SLC25A21: variants seen among roughly 807,000 people sequenced by gnomAD.
SLC25A21 encodes solute carrier family 25 member 21.
SLC25A21 carries 47 observed loss-of-function variants against 43.8 expected under a neutral mutation model. The ratio of observed to expected loss-of-function variants is 1.07; its 90% CI spans 0.85 to 1.37. The LOEUF is 1.37. SLC25A21 is among the 40% of genes most tolerant of loss of function. The pLI, the probability that SLC25A21 is intolerant of heterozygous loss-of-function variation, is 0.00. For missense variants in SLC25A21, 352 were observed against 350.2 expected (o/e 1.00, Z -0.04); for synonymous variants, 131 against 121.3 (o/e 1.08, Z -0.52).
intron 3 of SLC25A21, among the ~76,000 whole-genome samples, chr14:36,791,920 T>C (rs74488412): frequency 2.1e-3 from 319 of 152,272 alleles, no homozygotes; most frequent in Non-Finnish European, 3.5e-3. Flanking sequence ...TTCTATTTCT[T>C]GGTCTGAGTG....
intron 7 of SLC25A21, among the ~76,000 whole-genome samples, chr14:36,685,781 T>C (rs1260441824): frequency 2.0e-5 from 3 of 152,206 alleles, no homozygotes; most frequent in African/African-American, 7.2e-5. Context: ...TCACTTTCCT[T>C]TGGCCTATTT....
intron 6 of SLC25A21, among the ~76,000 whole-genome samples, chr14:36,712,367 C>G (rs550528248): frequency 6.6e-6 from 1 of 151,054 alleles, no homozygotes. Flanking sequence ...TTTTTTCCAC[C>G]CATGAGGCAC....
intron 3 of SLC25A21, among the ~76,000 whole-genome samples, chr14:36,757,133 C>T (rs1267233940): frequency 6.6e-6 from 1 of 151,118 alleles, no homozygotes; most frequent in Non-Finnish European, 1.5e-5. Flanking sequence ...TGGCATGTGC[C>T]TGTAGTCCCA....
intron 1 of SLC25A21, chr14:36,952,363 T>G (rs1186516575): frequency 6.5e-6 from 1 of 152,910 alleles, no homozygotes; most frequent in Non-Finnish European, 1.5e-5. Context: ...ATATGTAAAT[T>G]CTATTTCCTG....
chr14:37,040,268 G>GAGGAAGGAAGGA (rs763126493), intron 1 of SLC25A21, among the ~76,000 whole-genome samples: 553 of 3,130 alleles, frequency 0.18, 199 homozygotes, highest in South Asian at 0.54. Flanking sequence ...GGGAGGGAGG[G>GAGGAAGGAAGGA]AGGAAGGAAG....
chr14:36,891,058 T>C (rs1244700413), intron 1 of SLC25A21, among the ~76,000 whole-genome samples: 9 of 152,186 alleles, frequency 5.9e-5, no homozygotes, highest in Admixed American at 2.0e-4. Flanking sequence ...ATACATTTCA[T>C]ACTCATATTC....
At chr14:36,852,784 T>G (rs907287857) in intron 2 of SLC25A21, among the ~76,000 whole-genome samples, 1 of 152,020 alleles carries the variant, frequency 6.6e-6, no homozygotes, top group East Asian at 1.9e-4. Context: ...CTCTAATAGT[T>G]CCAAGACAAA....
At chr14:37,145,476 C>CACACACACACACACAGAG (rs780734735) in intron 1 of SLC25A21, among the ~76,000 whole-genome samples, 2 of 143,676 alleles carry the variant, frequency 1.4e-5, no homozygotes, top group Non-Finnish European at 3.0e-5. Flanking sequence ...CACACACACA[C>CACACACACACACACAGAG]AGAGAGATGA....
intron 1 of SLC25A21, among the ~76,000 whole-genome samples, chr14:36,979,897 G>T (rs1959979457): frequency 6.6e-6 from 1 of 152,144 alleles, no homozygotes; most frequent in African/African-American, 2.4e-5. Context: ...AGACCACAGA[G>T]ACTCAAGTTA....
At chr14:37,089,634 T>C (rs549456523) in intron 1 of SLC25A21, among the ~76,000 whole-genome samples, 2 of 152,294 alleles carry the variant, frequency 1.3e-5, no homozygotes, top group East Asian at 1.9e-4. Flanking sequence ...GAGGAGACTT[T>C]CTTAGAGAGT....
chr14:36,736,225 G>A (rs577597828), intron 3 of SLC25A21, among the ~76,000 whole-genome samples: 51 of 152,190 alleles, frequency 3.4e-4, no homozygotes, highest in Middle Eastern at 6.8e-3. Context: ...GTGAGCCACC[G>A]TGCCCAGCCT....
At position 36,715,862 on chromosome 14, in the gene SLC25A21, G is replaced by A. The variant is rs1056550828; in HGVS notation, c.439-4380C>T. ...TAATTCCAGCACTTTGGGAGGCCAA[G>A]GAGTGTGGATCATGAGGTCAGGAGT... On this transcript the variant is annotated intron_variant, in intron 6 of 9. Transcript: ENST00000331299. Among the ~76,000 whole-genome samples the A allele has an allele frequency of 4.6e-5, 7 of 152,204 alleles. No homozygotes were observed. The East Asian group carries it at 1.2e-3, about 25-fold the overall frequency.
intron 3 of SLC25A21, among the ~76,000 whole-genome samples, chr14:36,735,666 A>G (rs1341208867): frequency 1.3e-5 from 2 of 152,110 alleles, no homozygotes; most frequent in African/African-American, 4.8e-5. Context: ...TTCTCCTTCA[A>G]TTCACTGGCT....
intron 1 of SLC25A21, among the ~76,000 whole-genome samples, chr14:36,881,662 G>A (rs1890730783): frequency 6.6e-6 from 1 of 152,170 alleles, no homozygotes; most frequent in South Asian, 2.1e-4. Flanking sequence ...TAGACGGACT[G>A]ATTGATTGTG....
chr14:36,709,890 C>T (rs994717812), intron 7 of SLC25A21, among the ~76,000 whole-genome samples: 1 of 151,996 alleles, frequency 6.6e-6, no homozygotes, highest in Non-Finnish European at 1.5e-5. Flanking sequence ...ACTGCCTGCT[C>T]GTGAAAAATG....
intron 3 of SLC25A21, among the ~76,000 whole-genome samples, chr14:36,804,219 C>T (rs956161089): frequency 2.0e-4 from 31 of 152,134 alleles, no homozygotes; most frequent in Non-Finnish European, 3.8e-4. Flanking sequence ...TCATGCCATC[C>T]CTTTCCTTCT....
intron 1 of SLC25A21, among the ~76,000 whole-genome samples, chr14:37,077,038 T>A (rs1319287114): frequency 4.6e-5 from 7 of 152,228 alleles, no homozygotes; most frequent in Admixed American, 3.9e-4. Flanking sequence ...AAATTTGAGC[T>A]GTTTGTAACA....
chr14:36,814,669 A>G (rs991981560), intron 2 of SLC25A21, among the ~76,000 whole-genome samples: 3 of 152,248 alleles, frequency 2.0e-5, no homozygotes, highest in East Asian at 1.9e-4. Context: ...TCAGCAAACA[A>G]CAGATGCTGG....
intron 1 of SLC25A21, among the ~76,000 whole-genome samples, chr14:36,940,625 A>C (rs1032837541): frequency 6.6e-6 from 1 of 152,168 alleles, no homozygotes. Flanking sequence ...CGATTACACA[A>C]TATCTTACCA....
Sources: allele counts gnomAD v4.1 joint callset (sites outside exome capture counted in the v4.1 genomes callset), GRCh38; gene constraint gnomAD v4.1.1; transcripts MANE v1.5; gene names NCBI Gene and HGNC (gene_info 2026-07-23, HGNC 2026-07-21).